The following TSGA13 variants were observed in gnomAD, a reference collection of about 807,000 sequenced individuals.
The protein encoded by TSGA13 is testis specific 13, also known as testis-specific gene 13 protein.
A neutral mutation model predicts 35.1 loss-of-function variants in TSGA13; 37 were observed. That is an observed-to-expected ratio of 1.05 (90% CI 0.81 to 1.39). The LOEUF is 1.39. Ranked by LOEUF, TSGA13 falls within the 40% of genes most tolerant of loss-of-function variation. The pLI is 0.00. For synonymous variants in TSGA13, 124 were observed against 121.2 expected, an observed-to-expected ratio of 1.02 and a Z score of -0.15; for missense variants, 338 against 328.5, an observed-to-expected ratio of 1.03 and a Z score of -0.22.
chr7:130,684,177 G>T (rs1457832225), intron 2 of TSGA13, among the ~76,000 whole-genome samples: 1 of 152,156 alleles, frequency 6.6e-6, no homozygotes, highest in Non-Finnish European at 1.5e-5. Flanking sequence ...TCCAATTCTT[G>T]TTGACCTTGC....
At chr7:130,685,430 G>T (rs1260991105) in intron 1 of TSGA13, 70 bp from the exon 2 acceptor site, 1 of 1,279,390 alleles carries the variant, frequency 7.8e-7, no homozygotes, top group Non-Finnish European at 1.0e-6. Context: ...ACATGATGAT[G>T]CTTGCTCTTA....
At position 130,679,460 on chromosome 7, in the gene TSGA13, A is replaced by G; in HGVS notation, c.175-93T>C. On this transcript the variant is annotated intron_variant, in intron 4 of 7. Coordinates refer to ENST00000356588, the MANE Select transcript of TSGA13 (RefSeq NM_052933.4). ...GGCTGATACTTAGCCTCTGTGGGGT[A>G]AGAACAGAAGCTGGACAGACTTGCT... The G allele has an allele frequency of 5.4e-6, 6 of 1,120,898 alleles. No individual in the cohort carries two copies. The South Asian group carries it at 9.2e-5, about 17-fold the overall frequency. The allele number at this position is 1,120,898 out of a possible 1,614,324, so 69.4% of individuals were successfully genotyped here. A position where few individuals can be genotyped will look rare whatever the true frequency, so the allele number is the denominator to read the frequency against.
chr7:130,683,627 T>G lies in TSGA13; in HGVS notation c.69A>C (p.Lys23Asn), dbSNP rs782770071. 3 of 1,613,990 alleles carry G rather than the reference T, an allele frequency of 1.9e-6. No homozygotes were observed. The highest frequency in any genetic ancestry group is 2.5e-6 in the Non-Finnish European group (3 of 1,179,866). Reference sequence around the variant, plus strand: ...TATTGACAACCATTCCTTTCTCACGTTTAGCTGAGCTATTTTCTGAAGTCT... The same window carrying G: ...TATTGACAACCATTCCTTTCTCACGGTTAGCTGAGCTATTTTCTGAAGTCT... Reference protein sequence around the residue: ...KSKTSENSSAKREKGMVVNSK... With the variant: ...KSKTSENSSANREKGMVVNSK... Residue 23 changes from lysine (K) to asparagine (N), a missense_variant, in exon 3 of 8, where the codon AAA becomes AAC. Lys to Asn is a moderately conservative substitution (Grantham distance 94, BLOSUM62 0). Transcript: ENST00000356588.
chr7:130,669,594 A>T (rs1796206534), intron 7 of TSGA13, among the ~76,000 whole-genome samples: 1 of 152,216 alleles, frequency 6.6e-6, no homozygotes, highest in South Asian at 2.1e-4. Context: ...CACTGGCATA[A>T]CTTGTTTAGA....
Position 130,671,760 on chromosome 7 carries a change from C to T in TSGA13, c.559G>A (p.Glu187Lys), listed in dbSNP as rs782369380. ...RFSTDNDFKSEGKYSKVYALR... is the reference protein window; with the variant it reads ...RFSTDNDFKSKGKYSKVYALR... ...GCGTAGACTTTTGAATACTTCCCTT[C>T]GCTCTTGAAATCATTGTCAGTGGAA... is the stretch of plus-strand genomic sequence containing the variant. Residue 187 changes from glutamate (E) to lysine (K), a missense_variant, in exon 7 of 8, where the codon GAA (glutamate) becomes AAA (lysine). Physicochemically the swap from Glu to Lys is moderately conservative, Grantham distance 56. Coordinates refer to ENST00000356588, the MANE Select transcript of TSGA13 (RefSeq NM_052933.4). 32 of 1,600,564 alleles carry T rather than the reference C, an allele frequency of 2.0e-5. No homozygotes were observed. Among genetic ancestry groups the T allele is most frequent in the East Asian group, 4.5e-5 (2 of 44,450 alleles).
At chr7:130,680,749 TC>T (rs1181384604) in intron 4 of TSGA13, among the ~76,000 whole-genome samples, 196 bp downstream of exon 4, 1 of 152,106 alleles carries the variant, frequency 6.6e-6, no homozygotes, top group Non-Finnish European at 1.5e-5. Flanking sequence ...AGTTCTCATC[TC>T]CCACTTTGCC....
chr7:130,669,047 CTGCGGGGCCCTCCCGT>C lies in TSGA13; in HGVS notation c.779_794del (p.Asn260SerfsTer24), dbSNP rs1796180211. Reference sequence around the variant, plus strand: ...TGACCGTGGCCTTTTTGATAATCCACTGCGGGGCCCTCCCGTTGCGGAAGGCGCTCTCCCCGGGCGC... The same window carrying C: ...TGACCGTGGCCTTTTTGATAATCCACTGCGGAAGGCGCTCTCCCCGGGCGC... On this transcript the variant is annotated frameshift_variant, in exon 8 of 8. Coordinates refer to ENST00000356588, the MANE Select transcript of TSGA13 (RefSeq NM_052933.4). LOFTEE classifies it high-confidence loss of function. 6.2e-7 allele frequency: 1 copy of C among 1,614,116 alleles called. No homozygotes were observed. The highest frequency in any genetic ancestry group is 1.3e-5 in the African/African-American group (1 of 74,954).
intron 1 of TSGA13, 56 bp from the exon 2 acceptor site, chr7:130,685,416 C>T: frequency 7.6e-7 from 1 of 1,323,472 alleles, no homozygotes; most frequent in Non-Finnish European, 9.7e-7. Context: ...AGAAAATGCA[C>T]AAGACATGAT....
chr7:130,676,763 G>T (rs1796418578), intron 5 of TSGA13, among the ~76,000 whole-genome samples: 1 of 152,154 alleles, frequency 6.6e-6, no homozygotes, highest in South Asian at 2.1e-4. Flanking sequence ...TCTCACTTGG[G>T]TAATCCCATG....
At chr7:130,671,535 A>G (rs1049932266) in intron 7 of TSGA13, 126 bp downstream of exon 7, 1 of 1,097,542 alleles carries the variant, frequency 9.1e-7, no homozygotes, top group Non-Finnish European at 1.2e-6. Context: ...TCCATGCTAT[A>G]GGGAAAAATA....
intron 7 of TSGA13, among the ~76,000 whole-genome samples, chr7:130,670,170 G>C (rs1003054345): frequency 1.3e-5 from 2 of 152,198 alleles, no homozygotes; most frequent in African/African-American, 4.8e-5. Context: ...GTTTTTAGCT[G>C]TGCAGTATTT....
upstream of TSGA13, chr7:130,686,747 C>T (rs1300764396): frequency 2.7e-5 from 4 of 150,470 alleles, no homozygotes; most frequent in African/African-American, 9.9e-5. Context: ...CACATCTTCA[C>T]CATCTCTTAA....
chr7:130,685,483 G>T (rs1020394571), intron 1 of TSGA13, 123 bp from the exon 2 acceptor site: 3 of 909,186 alleles, frequency 3.3e-6, no homozygotes, highest in Non-Finnish European at 4.4e-6. Flanking sequence ...GGGAGAAAGC[G>T]ATTATCCAAT....
At chr7:130,673,038 C>T (rs1427773094) in intron 5 of TSGA13, among the ~76,000 whole-genome samples, 162 bp from the exon 6 acceptor site, 10 of 152,132 alleles carry the variant, frequency 6.6e-5, no homozygotes, top group African/African-American at 2.4e-4. Flanking sequence ...CAGAGGAAGC[C>T]GTTCCCTGGG....
chr7:130,669,045 C>T lies in TSGA13; in HGVS notation c.797G>A (p.Trp266Ter). Residue 266 changes from tryptophan (W) to a stop codon, truncating the protein, a stop_gained, in exon 8 of 8, where the codon TGG (tryptophan) becomes TAG (stop). Coordinates refer to ENST00000356588, the MANE Select transcript of TSGA13 (RefSeq NM_052933.4). LOFTEE classifies it high-confidence loss of function. ...SAFRNGRAPQ[W>*]IIKKATVIG ...GATGACCGTGGCCTTTTTGATAATC[C>T]ACTGCGGGGCCCTCCCGTTGCGGAA... The T allele has an allele frequency of 6.2e-7, 1 of 1,614,172 alleles. No individual in the cohort carries two copies. The highest frequency in any genetic ancestry group is 8.5e-7 in the Non-Finnish European group (1 of 1,180,018).
chr7:130,673,310 G>A (rs931512870), intron 5 of TSGA13, among the ~76,000 whole-genome samples: 2 of 152,174 alleles, frequency 1.3e-5, no homozygotes, highest in Admixed American at 6.5e-5. Context: ...GAAGGCCATG[G>A]AATGGGATGT....
intron 5 of TSGA13, among the ~76,000 whole-genome samples, chr7:130,674,390 C>G (rs1332911436): frequency 6.6e-6 from 1 of 151,958 alleles, no homozygotes; most frequent in Admixed American, 6.6e-5. Context: ...CCAGACTGGT[C>G]TCGAACTCCT....
intron 5 of TSGA13, among the ~76,000 whole-genome samples, chr7:130,678,846 A>AC (rs1554464518): frequency 5.3e-5 from 8 of 151,994 alleles, no homozygotes; most frequent in Admixed American, 3.3e-4. Context: ...ACATAGTGAG[A>AC]CCCCCGTCTC....
At chr7:130,686,091 C>T (rs1233706254) in intron 1 of TSGA13, among the ~76,000 whole-genome samples, 171 bp downstream of exon 1, 1 of 152,170 alleles carries the variant, frequency 6.6e-6, no homozygotes, top group Non-Finnish European at 1.5e-5. Flanking sequence ...AGCCCAAATT[C>T]CTATGAAGCC....
Sources: allele counts gnomAD v4.1 joint callset (sites outside exome capture counted in the v4.1 genomes callset), GRCh38; gene constraint gnomAD v4.1.1; transcripts MANE v1.5; gene names NCBI Gene and HGNC (gene_info 2026-07-23, HGNC 2026-07-21).